The following PTPRD variants were observed in gnomAD, a reference collection of about 807,000 sequenced individuals.
PTPRD encodes receptor-type tyrosine-protein phosphatase delta.
Under a neutral mutation model 214.5 loss-of-function variants are expected in PTPRD, and 34 were observed. The observed-to-expected ratio is 0.16, with a 90% confidence interval of 0.12 to 0.21. PTPRD has a LOEUF of 0.21. Ranked by LOEUF, PTPRD falls within the 10% of genes least tolerant of loss-of-function variation. The probability of loss-of-function intolerance (pLI) is 1.00; values close to 1 mark genes in which losing one functional copy is unlikely to be tolerated. For synonymous variants in PTPRD, 1,128 were observed against 845.7 expected (o/e 1.33, Z -5.79); for missense variants, 2,545 against 2,398.7 (o/e 1.06, Z -1.27).
chr9:8,324,768 T>C (rs1192441269), intron 44 of PTPRD, among the ~76,000 whole-genome samples: 2 of 152,162 alleles, frequency 1.3e-5, no homozygotes, highest in African/African-American at 4.8e-5. Flanking sequence ...ATCTGTTGTT[T>C]CCTGACTTTT....
chr9:9,591,290 G>A (rs2092703133), intron 7 of PTPRD, among the ~76,000 whole-genome samples: 1 of 151,922 alleles, frequency 6.6e-6, no homozygotes, highest in Admixed American at 6.6e-5. Context: ...GCAGCCTCGG[G>A]GACCAAAGAC....
At chr9:10,230,436 G>GTGTCTATC (rs199914356) in intron 3 of PTPRD, among the ~76,000 whole-genome samples, 4,141 of 140,722 alleles carry the variant, frequency 0.029, 88 homozygotes, top group East Asian at 0.097. Context: ...ATGTATCTAT[G>GTGTCTATC]TATCTATCTA....
chr9:10,287,581 G>A (rs190701798), intron 3 of PTPRD, among the ~76,000 whole-genome samples: 1 of 152,182 alleles, frequency 6.6e-6, no homozygotes, highest in Admixed American at 6.5e-5. Context: ...CAAGGTGTCA[G>A]GTGGTGCCAT....
intron 35 of PTPRD, among the ~76,000 whole-genome samples, chr9:8,434,199 C>G (rs1382778995): frequency 6.6e-6 from 1 of 152,148 alleles, no homozygotes; most frequent in Admixed American, 6.5e-5. Flanking sequence ...CCAGGCTGAT[C>G]CCGAACTCCT....
At chr9:9,616,365 G>A (rs1252277614) in intron 7 of PTPRD, among the ~76,000 whole-genome samples, 1 of 152,080 alleles carries the variant, frequency 6.6e-6, no homozygotes, top group Non-Finnish European at 1.5e-5. Flanking sequence ...TCCTTTGCCT[G>A]TTACTGTTCC....
At chr9:8,527,613 A>G (rs2074539507) in intron 15 of PTPRD, among the ~76,000 whole-genome samples, 1 of 152,150 alleles carries the variant, frequency 6.6e-6, no homozygotes, top group Non-Finnish European at 1.5e-5. Flanking sequence ...ACAGGCAGTT[A>G]AACAACTTAG....
chr9:9,922,566 T>C (rs1317241255), intron 5 of PTPRD, among the ~76,000 whole-genome samples: 1 of 151,964 alleles, frequency 6.6e-6, no homozygotes, highest in Non-Finnish European at 1.5e-5. Context: ...GAAATAGAGA[T>C]AATGTCTATA....
chr9:9,611,321 C>A (rs546638007), intron 7 of PTPRD, among the ~76,000 whole-genome samples: 22 of 152,246 alleles, frequency 1.4e-4, no homozygotes, highest in African/African-American at 4.6e-4. Context: ...ATATGCCATA[C>A]ACATATCTCC....
At chr9:9,351,637 T>A (rs1259919659) in intron 9 of PTPRD, among the ~76,000 whole-genome samples, 2 of 151,978 alleles carry the variant, frequency 1.3e-5, no homozygotes, top group African/African-American at 4.8e-5. Context: ...AAGATACACA[T>A]GTTAGCTGAG....
chr9:9,622,217 C>T (rs1249137925), intron 7 of PTPRD, among the ~76,000 whole-genome samples: 6 of 152,148 alleles, frequency 3.9e-5, no homozygotes, highest in African/African-American at 1.4e-4. Context: ...ACCTGTTTAA[C>T]ACTCATTAAA....
At chr9:8,416,497 C>T (rs2093948420) in intron 35 of PTPRD, among the ~76,000 whole-genome samples, 1 of 152,306 alleles carries the variant, frequency 6.6e-6, no homozygotes, top group South Asian at 2.1e-4. Context: ...CTTTTCACAA[C>T]TGCACATGTG....
At chr9:9,990,871 C>T (rs1267288303) in intron 4 of PTPRD, among the ~76,000 whole-genome samples, 1 of 151,908 alleles carries the variant, frequency 6.6e-6, no homozygotes, top group Non-Finnish European at 1.5e-5. Flanking sequence ...GATATATTGT[C>T]TCAGTGTCAA....
intron 8 of PTPRD, among the ~76,000 whole-genome samples, chr9:9,529,154 G>A (rs911397198): frequency 4.6e-5 from 7 of 151,212 alleles, no homozygotes; most frequent in Admixed American, 3.3e-4. Flanking sequence ...GACTGGTCTC[G>A]AACTCCTGAC....
intron 10 of PTPRD, among the ~76,000 whole-genome samples, chr9:9,098,116 T>C (rs2099786283): frequency 1.3e-5 from 2 of 152,134 alleles, no homozygotes; most frequent in Admixed American, 1.3e-4. Context: ...AATTAGCAAA[T>C]GTTCATTAAC....
At chr9:9,168,218 G>A (rs545735350) in intron 10 of PTPRD, among the ~76,000 whole-genome samples, 5 of 152,118 alleles carry the variant, frequency 3.3e-5, no homozygotes, top group Non-Finnish European at 7.4e-5. Flanking sequence ...AAGGTCTATG[G>A]CCCTTTACAG....
At chr9:9,285,217 T>G (rs2133810607) in intron 9 of PTPRD, among the ~76,000 whole-genome samples, 1 of 151,940 alleles carries the variant, frequency 6.6e-6, no homozygotes, top group East Asian at 2.0e-4. Flanking sequence ...CTGAAAATAG[T>G]ACTTGTCTTG....
intron 7 of PTPRD, among the ~76,000 whole-genome samples, chr9:9,658,599 C>T (rs984155797): frequency 6.6e-6 from 1 of 152,134 alleles, no homozygotes; most frequent in African/African-American, 2.4e-5. Flanking sequence ...ATTGTTCAGA[C>T]AGATCTGGTT....
intron 11 of PTPRD, among the ~76,000 whole-genome samples, chr9:8,975,957 T>A (rs1418706201): frequency 6.6e-6 from 1 of 152,054 alleles, no homozygotes; most frequent in Admixed American, 6.6e-5. Context: ...GTAATTAATT[T>A]AAGTAATCCC....
intron 5 of PTPRD, among the ~76,000 whole-genome samples, chr9:9,873,808 G>A (rs192072192): frequency 3.9e-5 from 6 of 152,208 alleles, no homozygotes; most frequent in African/African-American, 1.4e-4. Context: ...AGTTACAGAA[G>A]CATATCTCAA....
Sources: gnomAD v4.1 joint callset for allele counts (sites outside exome capture counted in the v4.1 genomes callset) on GRCh38, gnomAD v4.1.1 for gene constraint, MANE v1.5 for transcripts, NCBI Gene and HGNC (gene_info 2026-07-23, HGNC 2026-07-21) for gene names.